PCDHGA12: variants seen among roughly 807,000 people sequenced by gnomAD.
The protein encoded by PCDHGA12 is protocadherin gamma-A12.
A neutral mutation model predicts 61.1 loss-of-function variants in PCDHGA12; 43 were observed. The observed-to-expected ratio is 0.70, with a 90% CI of 0.55 to 0.91. The LOEUF is 0.91. Among genes scored for constraint, PCDHGA12 ranks in the 40% least tolerant of loss-of-function variants. The pLI is 0.00. For synonymous variants in PCDHGA12, 520 were observed against 542.9 expected, an observed-to-expected ratio of 0.96 and a Z score of 0.59; for missense variants, 1,236 against 1,227.7, an observed-to-expected ratio of 1.01 and a Z score of -0.10.
intron 2 of PCDHGA12, among the ~76,000 whole-genome samples, chr5:141,503,886 T>G (rs150106838): frequency 8.2e-4 from 125 of 152,290 alleles, no homozygotes; most frequent in African/African-American, 2.9e-3. Flanking sequence ...TCACCCACCA[T>G]GACAAAATAT....
chr5:141,430,906 C>A lies in PCDHGA12; in HGVS notation c.147C>A (p.Ser49=), dbSNP rs764039566. The A allele has an allele frequency of 1.2e-6, 2 of 1,606,932 alleles. No homozygotes were observed. Among genetic ancestry groups the A allele is most frequent in the Non-Finnish European group, 1.7e-6 (2 of 1,177,212 alleles). ...AAGGCTCTAGGGTGGGCGACATCTC[C>A]AGGGACCTGGGGCTGGAGCCCCGGG... The part of the protein sequence containing the change: ...LEKGSRVGDI[S]RDLGLEPREL... The change falls in exon 1 of 4, where the codon TCC becomes TCA. Residue 49 remains serine, a synonymous_variant. Transcript: ENST00000252085.
In PCDHGA12 at chr5:141,487,456, G is replaced by A. The variant is rs1041154635; in HGVS notation, c.2425-7351G>A. Reference sequence around the variant, plus strand: ...AGCTAGGGTCAGATGACCCTATCAAGTTTGTTGATGTGGGAGGCCACTCTC... The same window carrying A: ...AGCTAGGGTCAGATGACCCTATCAAATTTGTTGATGTGGGAGGCCACTCTC... On this transcript the variant is annotated intron_variant, in intron 1 of 3. Coordinates refer to ENST00000252085, the MANE Select transcript of PCDHGA12 (RefSeq NM_003735.3). The surrounding 1 kb of genome is among the most constrained non-coding windows in gnomAD (Gnocchi z 5.0). 6.2e-7 allele frequency: 1 copy of A among 1,614,196 alleles called. No individual in the cohort carries two copies. The highest frequency in any genetic ancestry group is 8.5e-7 in the Non-Finnish European group (1 of 1,180,026).
At chr5:141,456,701 G>C (rs370086323) in intron 1 of PCDHGA12, among the ~76,000 whole-genome samples, 1 of 151,988 alleles carries the variant, frequency 6.6e-6, no homozygotes. Flanking sequence ...GTGGTGGCTC[G>C]CGCCTGTAAT....
chr5:141,463,208 C>G (rs895284460), intron 1 of PCDHGA12, among the ~76,000 whole-genome samples: 1 of 152,090 alleles, frequency 6.6e-6, no homozygotes, highest in African/African-American at 2.4e-5. Flanking sequence ...CTTGGGGATC[C>G]ATATTAATAT....
intron 2 of PCDHGA12, among the ~76,000 whole-genome samples, chr5:141,498,944 A>G (rs1249475504): frequency 7.2e-6 from 1 of 139,096 alleles, no homozygotes; most frequent in Non-Finnish European, 1.6e-5. Flanking sequence ...AAAGAAAGAA[A>G]GAAAAAGAGA....
At chr5:141,469,362 G>GT (rs1212141268) in intron 1 of PCDHGA12, among the ~76,000 whole-genome samples, 4 of 152,084 alleles carry the variant, frequency 2.6e-5, no homozygotes, top group Non-Finnish European at 5.9e-5. Flanking sequence ...GGATCATGAG[G>GT]TAAAGAGATC....
In PCDHGA12 at chr5:141,477,018, C is replaced by T. The variant is rs2099403540; in HGVS notation, c.2425-17789C>T. The T allele has an allele frequency of 3.1e-6, 5 of 1,614,262 alleles. No homozygotes were observed. Among genetic ancestry groups the T allele is most frequent in the Non-Finnish European group, 4.2e-6 (5 of 1,180,048 alleles). ...CAACTATTCGCCTTAGACCTTGTAA[C>T]CGGGATGCTGACAATCAAGGGTCGG... On this transcript the variant is annotated intron_variant, in intron 1 of 3. Coordinates refer to ENST00000252085, the MANE Select transcript of PCDHGA12 (RefSeq NM_003735.3). The surrounding 1 kb of genome is among the most constrained non-coding windows in gnomAD (Gnocchi z 4.9).
Position 141,430,830 on chromosome 5 carries a change from G to C in PCDHGA12, c.71G>C (p.Trp24Ser). 6.4e-7 allele frequency: 1 copy of C among 1,554,968 alleles called. No individual in the cohort carries two copies. Among genetic ancestry groups the C allele is most frequent in the Non-Finnish European group, 8.7e-7 (1 of 1,154,782 alleles). Residue 24 changes from tryptophan (W) to serine (S), a missense_variant, in exon 1 of 4, where the codon TGG becomes TCG. By Grantham distance (177) the Trp-to-Ser change is radical. Transcript: ENST00000252085. ...VLLGILLGTLWETGCTQIRYS... is the reference protein window; with the variant it reads ...VLLGILLGTLSETGCTQIRYS... Reference sequence around the variant, plus strand: ...CTGGGAATCCTCCTGGGGACTCTGTGGGAGACCGGATGCACCCAGATACGC... The same window carrying C: ...CTGGGAATCCTCCTGGGGACTCTGTCGGAGACCGGATGCACCCAGATACGC...
At chr5:141,478,563 C>G (rs1484075735) in intron 1 of PCDHGA12, 16 of 1,596,154 alleles carry the variant, frequency 1.0e-5, no homozygotes, top group African/African-American at 1.3e-5. Context: ...TTTAGCAAGT[C>G]ATGCTTGACC....
chr5:141,436,099 T>C (rs1400528271), intron 1 of PCDHGA12, among the ~76,000 whole-genome samples: 1 of 152,128 alleles, frequency 6.6e-6, no homozygotes, highest in Non-Finnish European at 1.5e-5. Flanking sequence ...TTGAGAGAAA[T>C]AGAGGACAAT....
In PCDHGA12 at chr5:141,511,774, T is replaced by C. The variant is rs1173144009; in HGVS notation, c.*601T>C. 6.2e-6 allele frequency: 1 copy of C among 160,350 alleles called. No homozygotes were observed. The highest frequency in any genetic ancestry group is 1.4e-5 in the Non-Finnish European group (1 of 72,132). The allele number at this position is 160,350 out of a possible 1,614,324, so 9.9% of individuals were successfully genotyped here. A position where few individuals can be genotyped will look rare whatever the true frequency, so the allele number is the denominator to read the frequency against. On this transcript the variant is annotated 3_prime_UTR_variant, in exon 4 of 4. Coordinates refer to ENST00000252085, the MANE Select transcript of PCDHGA12 (RefSeq NM_003735.3). ...ATGATCACCATCCCCATGGTACTGA[T>C]GCTTGCTGGATTTAGGGAGGGCATT...
chr5:141,477,042 G>A lies in PCDHGA12; in HGVS notation c.2425-17765G>A. ...ACCGGGATGCTGACAATCAAGGGTC[G>A]GCTGGACTTCGAGGACACCAAACTC... On this transcript the variant is annotated intron_variant, in intron 1 of 3. Transcript: ENST00000252085. This position sits in a 1 kb window ranked among gnomAD's most constrained non-coding sequence, Gnocchi z 4.9. 1 of 1,614,238 alleles carries A rather than the reference G, an allele frequency of 6.2e-7. No homozygotes were observed. Among genetic ancestry groups the A allele is most frequent in the Non-Finnish European group, 8.5e-7 (1 of 1,180,040 alleles).
chr5:141,485,887 C>T lies in PCDHGA12; in HGVS notation c.2425-8920C>T. 1 of 1,614,098 alleles carries T rather than the reference C, an allele frequency of 6.2e-7. No homozygotes were observed. On this transcript the variant is annotated intron_variant, in intron 1 of 3. Transcript: ENST00000252085. The surrounding 1 kb of genome is among the most constrained non-coding windows in gnomAD (Gnocchi z 5.7). ...TATCCGTGCTGGACGTAAACGACAA[C>T]GCCCCAGCCTTCCAGCAATCCAGCT...
chr5:141,473,857 G>A (rs981688765), intron 1 of PCDHGA12, among the ~76,000 whole-genome samples: 1 of 152,164 alleles, frequency 6.6e-6, no homozygotes, highest in Non-Finnish European at 1.5e-5. Context: ...GATGAACCTC[G>A]CTATTGTGGA....
intron 1 of PCDHGA12, chr5:141,479,269 A>G (rs1279389471): frequency 6.6e-6 from 1 of 152,374 alleles, no homozygotes; most frequent in African/African-American, 2.4e-5. Flanking sequence ...TAAAAGTAAT[A>G]ATTTATTTCA....
chr5:141,485,152 A>T lies in PCDHGA12; in HGVS notation c.2425-9655A>T. 1.3e-6 allele frequency: 2 copies of T among 1,586,090 alleles called. No homozygotes were observed. Among genetic ancestry groups the T allele is most frequent in the Non-Finnish European group, 8.6e-7 (1 of 1,157,176 alleles). ...CTTCATCCGCGTCTCAGGAGCAAGT[A>T]GAGAATTAGCGGGCGGCAGCAATGC... On this transcript the variant is annotated intron_variant, in intron 1 of 3. Coordinates refer to ENST00000252085, the MANE Select transcript of PCDHGA12 (RefSeq NM_003735.3). This position sits in a 1 kb window ranked among gnomAD's most constrained non-coding sequence, Gnocchi z 5.7.
In PCDHGA12 at chr5:141,489,180, CTGGGTCTACCT is replaced by C. The variant is rs906371381; in HGVS notation, c.2425-5623_2425-5613del. 6.3e-5 allele frequency: 79 copies of C among 1,259,748 alleles called. No individual in the cohort carries two copies. The African/African-American group carries it at 9.3e-4, about 15-fold the overall frequency. 78.0% of individuals were successfully genotyped at this position (1,259,748 alleles called of 1,614,324 possible). ...GACTTCAGCTGCTGCATTCCAAGCCCTGGGTCTACCTTGGAGACAGGACAGCACAGACTTAC... is the reference window on the plus strand; with the variant it reads ...GACTTCAGCTGCTGCATTCCAAGCCCTGGAGACAGGACAGCACAGACTTAC... On this transcript the variant is annotated intron_variant, in intron 1 of 3. Coordinates refer to ENST00000252085, the MANE Select transcript of PCDHGA12 (RefSeq NM_003735.3). This position sits in a 1 kb window ranked among gnomAD's most constrained non-coding sequence, Gnocchi z 4.5.
At chr5:141,461,278 C>T (rs2099012353) in intron 1 of PCDHGA12, among the ~76,000 whole-genome samples, 1 of 152,086 alleles carries the variant, frequency 6.6e-6, no homozygotes, top group South Asian at 2.1e-4. Context: ...GTTCTCTTTT[C>T]CCCACATCCA....
rs1427052612 is a variant in PCDHGA12 at position 141,493,002 on chromosome 5, A to G, written c.2425-1805A>G. Among the ~76,000 whole-genome samples, 4 of 152,246 alleles carry G rather than the reference A, an allele frequency of 2.6e-5. No individual in the cohort carries two copies. The highest frequency in any genetic ancestry group is 2.1e-4 in the South Asian group (1 of 4,832). On this transcript the variant is annotated intron_variant, in intron 1 of 3. Transcript: ENST00000252085. This position sits in a 1 kb window ranked among gnomAD's most constrained non-coding sequence, Gnocchi z 4.3. ...TCTCCTCTGGCAGATGGAAAGCTAT[A>G]GGCTCTGCCAGATGCCAGGGTGCCC... is the stretch of plus-strand genomic sequence containing the variant.
Sources: gnomAD v4.1 joint callset for allele counts (sites outside exome capture counted in the v4.1 genomes callset) on GRCh38, gnomAD v4.1.1 for gene constraint, Gnocchi (gnomAD v3.1) non-coding constraint, MANE v1.5 for transcripts, NCBI Gene and HGNC (gene_info 2026-07-23, HGNC 2026-07-21) for gene names.